The following GABRG3 variants were observed in gnomAD, a reference collection of about 807,000 sequenced individuals.
GABRG3 encodes gamma-aminobutyric acid type A receptor subunit gamma3, also known as gamma-aminobutyric acid receptor subunit gamma-3.
GABRG3 carries 25 observed loss-of-function variants against 48.8 expected under a neutral mutation model. The observed-to-expected ratio is 0.51, with a 90% CI of 0.37 to 0.72. The LOEUF (loss-of-function observed/expected upper bound fraction) is 0.72, where lower values mean the gene tolerates loss of function less well. GABRG3 is among the 30% of genes least tolerant of loss of function. GABRG3 has a pLI of 0.00. For synonymous variants in GABRG3, 227 were observed against 217.6 expected, an observed-to-expected ratio of 1.04 and a Z score of -0.38; for missense variants, 394 against 577.9, an observed-to-expected ratio of 0.68 and a Z score of 3.26.
intron 5 of GABRG3, among the ~76,000 whole-genome samples, chr15:27,473,573 A>G (rs1889849637): frequency 6.6e-6 from 1 of 152,210 alleles, no homozygotes; most frequent in Admixed American, 6.6e-5. Flanking sequence ...AAGCTGGCTG[A>G]TCAGCTTTTA....
chr15:26,997,723 A>G (rs568460116), intron 2 of GABRG3, among the ~76,000 whole-genome samples: 3 of 152,268 alleles, frequency 2.0e-5, no homozygotes, highest in Admixed American at 2.0e-4. Flanking sequence ...TTTTCTCTTT[A>G]TCAATGGATA....
At chr15:27,243,304 G>A (rs1038404595) in intron 3 of GABRG3, among the ~76,000 whole-genome samples, 5 of 152,220 alleles carry the variant, frequency 3.3e-5, no homozygotes, top group Admixed American at 3.3e-4. Flanking sequence ...AAGAAAACAA[G>A]CAAATGTTAT....
At chr15:27,387,130 A>G (rs2140568789) in intron 5 of GABRG3, among the ~76,000 whole-genome samples, 1 of 152,234 alleles carries the variant, frequency 6.6e-6, no homozygotes, top group African/African-American at 2.4e-5. Flanking sequence ...CTGACTGTAC[A>G]ATATATTAAC....
chr15:27,497,924 G>A (rs1890526984), intron 6 of GABRG3, among the ~76,000 whole-genome samples: 1 of 152,150 alleles, frequency 6.6e-6, no homozygotes, highest in African/African-American at 2.4e-5. Flanking sequence ...GTAATCATCT[G>A]CAACAGGTTT....
chr15:27,338,056 T>C (rs1201591173), intron 5 of GABRG3, among the ~76,000 whole-genome samples: 1 of 152,144 alleles, frequency 6.6e-6, no homozygotes, highest in Non-Finnish European at 1.5e-5. Flanking sequence ...TAAGAAATAC[T>C]AGTCATTGTT....
At chr15:27,433,247 T>C (rs1888509188) in intron 5 of GABRG3, among the ~76,000 whole-genome samples, 1 of 152,248 alleles carries the variant, frequency 6.6e-6, no homozygotes, top group African/African-American at 2.4e-5. Context: ...TTCATATTAC[T>C]CCTGTAACAA....
At chr15:27,518,195 C>CAAAAAAAAAAAAAAAAAAAAAAAAAAAA (rs58222645) in intron 6 of GABRG3, among the ~76,000 whole-genome samples, 10 of 88,026 alleles carry the variant, frequency 1.1e-4, no homozygotes, top group African/African-American at 3.4e-4. Context: ...ACTAAAAATA[C>CAAAAAAAAAAAAAAAAAAAAAAAAAAAA]AAAAAAAAAA....
chr15:27,376,362 C>T (rs982808919), intron 5 of GABRG3, among the ~76,000 whole-genome samples: 16 of 152,206 alleles, frequency 1.1e-4, no homozygotes, highest in Non-Finnish European at 5.9e-5. Flanking sequence ...TTTGGAGGAC[C>T]ATGGCCCTCT....
At chr15:27,368,076 G>A (rs540806211) in intron 5 of GABRG3, among the ~76,000 whole-genome samples, 2 of 152,326 alleles carry the variant, frequency 1.3e-5, no homozygotes, top group Admixed American at 6.5e-5. Context: ...AATGGGACGG[G>A]AAAGCACTGC....
intron 2 of GABRG3, among the ~76,000 whole-genome samples, chr15:26,999,166 C>A (rs976523670): frequency 6.7e-6 from 1 of 148,258 alleles, no homozygotes. Context: ...TAACAATATA[C>A]AATAAAAATA....
In GABRG3 at chr15:27,132,476, T is replaced by G. The variant is rs913456229; in HGVS notation, c.270+105655T>G. 2.7e-3 allele frequency among the ~76,000 whole-genome samples: 393 copies of G among 144,300 alleles called. 12 individuals are homozygous for G. The highest frequency in any genetic ancestry group is 9.4e-3 in the African/African-American group (373 of 39,550). The allele number at this position is 144,300 out of a possible 152,430, so 94.7% of individuals were successfully genotyped here. On this transcript the variant is annotated intron_variant, in intron 3 of 9. Transcript: ENST00000615808. Reference sequence around the variant, plus strand: ...CAATCTTCCCAGTAGTTACAGTTTTTTTTTTTTTTTTTTTTTTTTTTTTTG... The same window carrying G: ...CAATCTTCCCAGTAGTTACAGTTTTGTTTTTTTTTTTTTTTTTTTTTTTTG...
chr15:27,485,160 A>T (rs1011475273), intron 6 of GABRG3, among the ~76,000 whole-genome samples: 4 of 152,162 alleles, frequency 2.6e-5, no homozygotes, highest in African/African-American at 9.7e-5. Flanking sequence ...ATAGATGGTG[A>T]TCCTATGTGC....
intron 2 of GABRG3, among the ~76,000 whole-genome samples, chr15:26,991,793 T>C (rs1347632111): frequency 6.6e-6 from 1 of 152,102 alleles, no homozygotes; most frequent in African/African-American, 2.4e-5. Flanking sequence ...TGATCTCGGC[T>C]CACTGCAACC....
intron 3 of GABRG3, among the ~76,000 whole-genome samples, chr15:27,307,533 T>G (rs1198231895): frequency 3.1e-5 from 3 of 97,098 alleles, no homozygotes; most frequent in Non-Finnish European, 6.1e-5. Flanking sequence ...GTTTATATAT[T>G]TATATATAAA....
At chr15:27,292,963 A>G (rs1488158496) in intron 3 of GABRG3, among the ~76,000 whole-genome samples, 2 of 152,162 alleles carry the variant, frequency 1.3e-5, no homozygotes, top group Non-Finnish European at 2.9e-5. Flanking sequence ...ATATTACAGG[A>G]GGAGATATAT....
chr15:27,371,261 T>G (rs1259718579), intron 5 of GABRG3, among the ~76,000 whole-genome samples: 1 of 151,470 alleles, frequency 6.6e-6, no homozygotes, highest in Non-Finnish European at 1.5e-5. Flanking sequence ...TCTTCCTCTC[T>G]TTTCCCTGAG....
intron 5 of GABRG3, among the ~76,000 whole-genome samples, chr15:27,430,424 T>G (rs1888414270): frequency 1.3e-5 from 2 of 152,320 alleles, no homozygotes; most frequent in South Asian, 2.1e-4. Flanking sequence ...TTTGACCTTT[T>G]TTTTCCTCTT....
At chr15:27,444,947 C>A (rs1043523060) in intron 5 of GABRG3, among the ~76,000 whole-genome samples, 1 of 152,226 alleles carries the variant, frequency 6.6e-6, no homozygotes, top group Admixed American at 6.5e-5. Context: ...TCTTGGCTCA[C>A]TGCAACCTCC....
At chr15:27,451,098 C>T (rs920930877) in intron 5 of GABRG3, among the ~76,000 whole-genome samples, 12 of 152,172 alleles carry the variant, frequency 7.9e-5, no homozygotes, top group Non-Finnish European at 5.9e-5. Context: ...TCAAAACGTT[C>T]ATACTACCCA....
Sources: allele counts gnomAD v4.1 joint callset (sites outside exome capture counted in the v4.1 genomes callset), GRCh38; gene constraint gnomAD v4.1.1; transcripts MANE v1.5; gene names NCBI Gene and HGNC (gene_info 2026-07-23, HGNC 2026-07-21).